EWSR1: variants seen among roughly 807,000 people sequenced by gnomAD.
EWSR1 encodes the protein RNA-binding protein EWS.
EWSR1 carries 14 observed loss-of-function variants against 92.1 expected under a neutral mutation model. The observed-to-expected ratio is 0.15, with a 90% confidence interval of 0.10 to 0.24. The LOEUF is 0.24. Among genes scored for constraint, EWSR1 ranks in the 10% least tolerant of loss-of-function variants. EWSR1 has a pLI of 1.00. For missense variants in EWSR1, 637 were observed against 870.9 expected, an observed-to-expected ratio of 0.73 and a Z score of 3.38; for synonymous variants, 303 against 292.9, an observed-to-expected ratio of 1.03 and a Z score of -0.35.
At chr22:29,292,058 TAGC>T in intron 9 of EWSR1, 76 bp from the exon 10 acceptor site, 1 of 1,226,672 alleles carries the variant, frequency 8.2e-7, no homozygotes, top group Non-Finnish European at 1.2e-6. Flanking sequence ...GTATAGTAGA[TAGC>T]TATGTGTGTT....
At chr22:29,274,766 T>C (rs182858902) in intron 4 of EWSR1, among the ~76,000 whole-genome samples, 59 of 152,310 alleles carry the variant, frequency 3.9e-4, no homozygotes, top group African/African-American at 1.3e-3. Context: ...TACTAAAAAA[T>C]AAACTATTCT....
chr22:29,274,991 G>C (rs1386332896), intron 4 of EWSR1, among the ~76,000 whole-genome samples: 1 of 152,150 alleles, frequency 6.6e-6, no homozygotes, highest in East Asian at 1.9e-4. Flanking sequence ...ATATAGTCCA[G>C]TTAAGGGGAA....
intron 4 of EWSR1, chr22:29,276,515 C>A (rs1321483970): frequency 4.5e-6 from 1 of 223,558 alleles, no homozygotes; most frequent in East Asian, 6.5e-5. Context: ...GAAGCTGATA[C>A]TTGTTTCTGG....
At chr22:29,282,635 T>G in intron 6 of EWSR1, 78 bp downstream of exon 6, 2 of 1,256,950 alleles carry the variant, frequency 1.6e-6, no homozygotes, top group Non-Finnish European at 2.2e-6. Context: ...TTGCTTTGAC[T>G]TCTTCAGCTA....
intron 1 of EWSR1, among the ~76,000 whole-genome samples, chr22:29,270,068 C>T (rs183841615): frequency 1.8e-3 from 267 of 152,274 alleles, no homozygotes; most frequent in Middle Eastern, 6.8e-3. Flanking sequence ...AGCTTTTGAG[C>T]CCTTCTGACC....
chr22:29,292,496 G>A lies in EWSR1; in HGVS notation c.1054G>A (p.Val352Ile). ...EGPDLDLGPP[V>I]DPDEDSDNSA... is the part of the protein sequence containing the mutation. ...CTTGTTGTCTCTGAAAGGCCCACCTGTAGATCCAGATGAAGACTCTGACAA... is the reference window on the plus strand; with the variant it reads ...CTTGTTGTCTCTGAAAGGCCCACCTATAGATCCAGATGAAGACTCTGACAA... Residue 352 changes from valine (V) to isoleucine (I), a missense_variant, in exon 11 of 17, where the codon GTA becomes ATA. Coordinates refer to ENST00000397938, the MANE Select transcript of EWSR1 (RefSeq NM_005243.4). The A allele has an allele frequency of 6.2e-7, 1 of 1,611,240 alleles. No homozygotes were observed. Among genetic ancestry groups the A allele is most frequent in the Non-Finnish European group, 8.5e-7 (1 of 1,177,812 alleles).
intron 4 of EWSR1, chr22:29,274,372 G>A (rs577940778): frequency 1.0e-5 from 15 of 1,479,718 alleles, no homozygotes; most frequent in Non-Finnish European, 1.3e-5. Flanking sequence ...TTCATTTGTT[G>A]AACCCCCAAA....
chr22:29,284,267 C>T (rs954928632), intron 6 of EWSR1, among the ~76,000 whole-genome samples: 1 of 151,468 alleles, frequency 6.6e-6, no homozygotes, highest in African/African-American at 2.5e-5. Context: ...TGTGAGCCAC[C>T]ATGCCCAGCC....
chr22:29,296,178 G>T, intron 11 of EWSR1, 61 bp from the exon 12 acceptor site: 2 of 1,541,356 alleles, frequency 1.3e-6, no homozygotes, highest in Non-Finnish European at 1.8e-6. Flanking sequence ...ATTTTGCCTG[G>T]ACTTTTTTCT....
intron 5 of EWSR1, among the ~76,000 whole-genome samples, chr22:29,280,862 G>GTTTTTTTTTTTTTTTTTTTT (rs71196650): frequency 1.6e-5 from 1 of 62,870 alleles, no homozygotes; most frequent in South Asian, 5.5e-4. Flanking sequence ...TGTGTGTGTT[G>GTTTTTTTTTTTTTTTTTTTT]TTTTTTTTTT....
At chr22:29,289,896 G>A (rs188893902) in intron 8 of EWSR1, 5 of 230,958 alleles carry the variant, frequency 2.2e-5, no homozygotes. Flanking sequence ...GATTCGGTAT[G>A]AAGTAAAATC....
chr22:29,296,437 A>G, intron 12 of EWSR1, 69 bp downstream of exon 12: 1 of 1,583,164 alleles, frequency 6.3e-7, no homozygotes, highest in Non-Finnish European at 8.6e-7. Context: ...GAAACTTGTG[A>G]ACCATAGGAG....
At chr22:29,286,412 G>A (rs533767069) in intron 6 of EWSR1, among the ~76,000 whole-genome samples, 10 of 152,054 alleles carry the variant, frequency 6.6e-5, no homozygotes, top group African/African-American at 2.4e-4. Context: ...CTCCCAGCTG[G>A]GCACCGTGGC....
At chr22:29,292,236 T>G in intron 10 of EWSR1, 67 bp downstream of exon 10, 2 of 1,459,150 alleles carry the variant, frequency 1.4e-6, no homozygotes, top group South Asian at 2.3e-5. Flanking sequence ...GGTAAATGCA[T>G]GCGTAGAGTT....
intron 13 of EWSR1, among the ~76,000 whole-genome samples, chr22:29,298,478 G>T (rs921698466): frequency 6.7e-5 from 10 of 148,480 alleles, no homozygotes; most frequent in African/African-American, 2.5e-4. Flanking sequence ...CTGCACTCCA[G>T]CCTGGGCAAC....
chr22:29,287,266 T>G (rs962211528), intron 7 of EWSR1, 132 bp downstream of exon 7: 31 of 863,120 alleles, frequency 3.6e-5, no homozygotes, highest in Non-Finnish European at 5.5e-5. Flanking sequence ...TGGAGTACAG[T>G]GGTGCCATCT....
chr22:29,286,353 A>G (rs1442144187), intron 6 of EWSR1, among the ~76,000 whole-genome samples: 1 of 151,858 alleles, frequency 6.6e-6, no homozygotes, highest in Non-Finnish European at 1.5e-5. Flanking sequence ...GTGGCGATTA[A>G]GAGAAAACTC....
intron 4 of EWSR1, among the ~76,000 whole-genome samples, chr22:29,274,894 T>C (rs2058980501): frequency 6.6e-6 from 1 of 152,216 alleles, no homozygotes; most frequent in South Asian, 2.1e-4. Context: ...CCCTGCCCTT[T>C]TATTATTGCT....
intron 12 of EWSR1, among the ~76,000 whole-genome samples, 177 bp from the exon 13 acceptor site, chr22:29,297,650 G>C (rs5752900): frequency 1.3e-5 from 2 of 151,974 alleles, no homozygotes; most frequent in African/African-American, 4.8e-5. Context: ...ACTCCAGCCC[G>C]GGCAACAGAG....
Sources: allele counts gnomAD v4.1 joint callset (sites outside exome capture counted in the v4.1 genomes callset), GRCh38; gene constraint gnomAD v4.1.1; transcripts MANE v1.5; gene names NCBI Gene and HGNC (gene_info 2026-07-23, HGNC 2026-07-21).